Variants in SLIT3 observed in about 807,000 individuals in gnomAD.
SLIT3 encodes slit homolog 3 protein.
A neutral mutation model predicts 184.0 loss-of-function variants in SLIT3; 68 were observed. The ratio of observed to expected loss-of-function variants is 0.37; its 90% CI spans 0.30 to 0.45. The LOEUF (loss-of-function observed/expected upper bound fraction) is 0.45. Among genes scored for constraint, SLIT3 ranks in the 20% least tolerant of loss-of-function variants. The probability of loss-of-function intolerance (pLI) is 1.00; values close to 1 mark genes in which losing one functional copy is unlikely to be tolerated. For missense variants in SLIT3, 1,707 were observed against 2,026.0 expected, an observed-to-expected ratio of 0.84 and a Z score of 3.02; for synonymous variants, 831 against 828.6, an observed-to-expected ratio of 1.00 and a Z score of -0.05.
intron 4 of SLIT3, among the ~76,000 whole-genome samples, chr5:168,916,975 T>C (rs902463295): frequency 1.6e-4 from 24 of 152,156 alleles, no homozygotes; most frequent in Admixed American, 4.6e-4. Flanking sequence ...CTGTCATTTC[T>C]CCCTCTCTCC....
chr5:169,010,214 C>A (rs1227444250), intron 4 of SLIT3, among the ~76,000 whole-genome samples: 12 of 152,192 alleles, frequency 7.9e-5, no homozygotes, highest in Non-Finnish European at 1.6e-4. Flanking sequence ...TTGGCAGCAA[C>A]TTCTCAGGTA....
chr5:168,900,536 A>G lies in SLIT3; in HGVS notation c.414-17200T>C, dbSNP rs534215565. Reference sequence around the variant, plus strand: ...AGGTGGAGGTAGGAGAATTGCTTGAACCTGGGAGGCGGAGGTTGCAGTGAG... The same window carrying G: ...AGGTGGAGGTAGGAGAATTGCTTGAGCCTGGGAGGCGGAGGTTGCAGTGAG... On this transcript the variant is annotated intron_variant, in intron 4 of 35. Transcript: ENST00000519560. Among the ~76,000 whole-genome samples, 323 of 152,216 alleles carry G rather than the reference A, an allele frequency of 2.1e-3. 3 individuals are homozygous for G. The highest frequency in any genetic ancestry group is 7.4e-3 in the African/African-American group (309 of 41,518).
At chr5:168,977,615 G>C (rs570312311) in intron 4 of SLIT3, among the ~76,000 whole-genome samples, 1 of 152,252 alleles carries the variant, frequency 6.6e-6, no homozygotes, top group South Asian at 2.1e-4. Context: ...GTTCACTAGC[G>C]CTGATGCCTG....
intron 23 of SLIT3, chr5:168,712,619 C>T (rs1020060043): frequency 2.2e-6 from 1 of 445,130 alleles, no homozygotes; most frequent in African/African-American, 2.0e-5. Context: ...AGAAACCAGT[C>T]TCTCTTAGCC....
chr5:168,768,396 T>C (rs553180506), intron 14 of SLIT3: 146 of 422,102 alleles, frequency 3.5e-4, no homozygotes, highest in Middle Eastern at 2.2e-3. Context: ...CTTCCGAAGA[T>C]TGCAGCCCTG....
At chr5:168,907,979 T>TATATATATAG (rs376418381) in intron 4 of SLIT3, among the ~76,000 whole-genome samples, 1 of 50,088 alleles carries the variant, frequency 2.0e-5, no homozygotes, top group Non-Finnish European at 3.3e-5. Flanking sequence ...TATATATATA[T>TATATATATAG]AGAGAGAGAG....
chr5:169,156,410 A>C (rs555618622), intron 4 of SLIT3, among the ~76,000 whole-genome samples: 2 of 152,284 alleles, frequency 1.3e-5, no homozygotes, highest in Non-Finnish European at 1.5e-5. Context: ...TCTCACCCCC[A>C]ATGGCTAATT....
chr5:169,243,142 T>G (rs560136391), intron 3 of SLIT3, among the ~76,000 whole-genome samples: 3 of 152,200 alleles, frequency 2.0e-5, no homozygotes, highest in Non-Finnish European at 4.4e-5. Context: ...AAATAGCATG[T>G]AAAACACTGG....
chr5:168,791,034 G>A (rs951483674), intron 10 of SLIT3: 5 of 152,298 alleles, frequency 3.3e-5, no homozygotes, highest in Admixed American at 6.5e-5. Flanking sequence ...TCACAAACTC[G>A]TCAGCTTACA....
At chr5:169,138,887 T>C (rs1761623353) in intron 4 of SLIT3, among the ~76,000 whole-genome samples, 1 of 152,250 alleles carries the variant, frequency 6.6e-6, no homozygotes, top group South Asian at 2.1e-4. Flanking sequence ...AGTCTTAAAG[T>C]GATCACTTGA....
At chr5:168,750,291 C>T (rs1390232103) in intron 18 of SLIT3, among the ~76,000 whole-genome samples, 1 of 152,212 alleles carries the variant, frequency 6.6e-6, no homozygotes, top group Non-Finnish European at 1.5e-5. Context: ...GCAGCTATCC[C>T]TTCCTGAGTG....
chr5:168,942,986 G>A (rs1416631202), intron 4 of SLIT3, among the ~76,000 whole-genome samples: 7 of 152,204 alleles, frequency 4.6e-5, no homozygotes, highest in Admixed American at 4.6e-4. Context: ...TTAGAGCTCA[G>A]ATTTATCAGT....
At chr5:168,843,664 C>T (rs928416926) in intron 6 of SLIT3, among the ~76,000 whole-genome samples, 5 of 152,244 alleles carry the variant, frequency 3.3e-5, no homozygotes, top group South Asian at 2.1e-4. Context: ...CTCAACCACA[C>T]GTCTCCTGAC....
At chr5:168,750,625 G>A (rs1205070670) in intron 18 of SLIT3, among the ~76,000 whole-genome samples, 1 of 152,126 alleles carries the variant, frequency 6.6e-6, no homozygotes, top group Non-Finnish European at 1.5e-5. Flanking sequence ...GGCATCTTAG[G>A]TGTCTTTGGA....
At chr5:168,917,175 TGA>T (rs1234451666) in intron 4 of SLIT3, among the ~76,000 whole-genome samples, 1 of 152,224 alleles carries the variant, frequency 6.6e-6, no homozygotes, top group African/African-American at 2.4e-5. Flanking sequence ...GTTTAGAATC[TGA>T]GAGACTTGAA....
chr5:168,885,785 C>A (rs564381110), intron 4 of SLIT3, among the ~76,000 whole-genome samples: 1 of 152,196 alleles, frequency 6.6e-6, no homozygotes, highest in Non-Finnish European at 1.5e-5. Context: ...GCATGTGTTC[C>A]AGTAATGCAC....
chr5:168,868,651 G>A (rs1759395161), intron 5 of SLIT3, among the ~76,000 whole-genome samples: 1 of 150,974 alleles, frequency 6.6e-6, no homozygotes, highest in African/African-American at 2.4e-5. Flanking sequence ...GGGAGACTGA[G>A]GCAGGAGAAT....
intron 4 of SLIT3, among the ~76,000 whole-genome samples, chr5:169,182,184 G>C (rs1763183428): frequency 6.6e-6 from 1 of 152,084 alleles, no homozygotes; most frequent in Non-Finnish European, 1.5e-5. Context: ...AATTAGAAAA[G>C]GAACGATGGG....
At chr5:169,226,168 A>G (rs1296265221) in intron 3 of SLIT3, among the ~76,000 whole-genome samples, 1 of 151,852 alleles carries the variant, frequency 6.6e-6, no homozygotes, top group Non-Finnish European at 1.5e-5. Context: ...CCCACTAACC[A>G]CTTACAGCTG....
Sources: allele counts gnomAD v4.1 joint callset (sites outside exome capture counted in the v4.1 genomes callset), GRCh38; gene constraint gnomAD v4.1.1; transcripts MANE v1.5; gene names NCBI Gene and HGNC (gene_info 2026-07-23, HGNC 2026-07-21).